ANKRD7: variants seen among roughly 807,000 people sequenced by gnomAD.
The protein encoded by ANKRD7 is ankyrin repeat domain-containing protein 7.
In ANKRD7, 30 loss-of-function variants were observed where a neutral mutation model predicts 30.8. That is an observed-to-expected ratio of 0.97 (90% CI 0.73 to 1.32). The LOEUF (loss-of-function observed/expected upper bound fraction) is 1.32. Ranked by LOEUF, ANKRD7 falls within the 40% of genes most tolerant of loss-of-function variation. The pLI, the probability that ANKRD7 is intolerant of heterozygous loss-of-function variation, is 0.00. For missense variants in ANKRD7, 264 were observed against 295.7 expected, an observed-to-expected ratio of 0.89 and a Z score of 0.79; for synonymous variants, 97 against 106.6, an observed-to-expected ratio of 0.91 and a Z score of 0.55.
intron 3 of ANKRD7, among the ~76,000 whole-genome samples, chr7:118,235,771 A>G (rs1809717964): frequency 6.6e-6 from 1 of 152,198 alleles, no homozygotes; most frequent in Non-Finnish European, 1.5e-5. Flanking sequence ...CTTACATTAA[A>G]TGCTAAGTGC....
chr7:118,231,043 G>A (rs1249804407), intron 1 of ANKRD7, among the ~76,000 whole-genome samples: 1 of 152,016 alleles, frequency 6.6e-6, no homozygotes, highest in Non-Finnish European at 1.5e-5. Context: ...AGCCACAGTG[G>A]CCTAGCAGGA....
At chr7:118,227,856 C>A in intron 1 of ANKRD7, 1 of 1,322,578 alleles carries the variant, frequency 7.6e-7, no homozygotes, top group East Asian at 4.6e-5. Context: ...TAAGTGAAAA[C>A]TATACAGTTA....
At chr7:118,241,898 T>C (rs1488997249) in intron 6 of ANKRD7, among the ~76,000 whole-genome samples, 3 of 152,172 alleles carry the variant, frequency 2.0e-5, no homozygotes, top group Non-Finnish European at 4.4e-5. Context: ...CTCTCTCTCT[T>C]TTAAATGTCT....
intron 1 of ANKRD7, among the ~76,000 whole-genome samples, chr7:118,228,965 T>C (rs1305274814): frequency 6.6e-6 from 1 of 152,174 alleles, no homozygotes; most frequent in Non-Finnish European, 1.5e-5. Context: ...TCCAATCACT[T>C]TCCATCTTAC....
At chr7:118,229,104 C>G (rs1809590534) in intron 1 of ANKRD7, among the ~76,000 whole-genome samples, 1 of 152,076 alleles carries the variant, frequency 6.6e-6, no homozygotes, top group Admixed American at 6.6e-5. Flanking sequence ...GCTACACTGG[C>G]CTTCTTACTG....
intron 2 of ANKRD7, 69 bp from the exon 3 acceptor site, chr7:118,234,632 T>TTTTAAACATAAAC: frequency 6.4e-7 from 1 of 1,557,460 alleles, no homozygotes; most frequent in South Asian, 1.2e-5. Flanking sequence ...TAAAACATAG[T>TTTTAAACATAAAC]ATCAAACATT....
At chr7:118,236,695 C>T in intron 4 of ANKRD7, 95 bp from the exon 5 acceptor site, 3 of 1,296,918 alleles carry the variant, frequency 2.3e-6, no homozygotes, top group South Asian at 1.4e-5. Context: ...TGATAGAGGC[C>T]CTACATTTGA....
At chr7:118,233,999 T>A (rs1809683182) in intron 1 of ANKRD7, among the ~76,000 whole-genome samples, 1 of 152,166 alleles carries the variant, frequency 6.6e-6, no homozygotes, top group African/African-American at 2.4e-5. Flanking sequence ...CTTTAATCAC[T>A]GAGTAAATAA....
Position 118,234,848 on chromosome 7 carries a change from G to C in ANKRD7, c.442G>C (p.Glu148Gln). Residue 148 changes from glutamate to glutamine, a missense_variant, in exon 3 of 7, where the codon GAA becomes CAA. By Grantham distance (29) the Glu-to-Gln change is conservative (BLOSUM62 2). Transcript: ENST00000265224. Reference protein sequence around the residue: ...LSLVEKLLEYEADLEAKNKDG... With the variant: ...LSLVEKLLEYQADLEAKNKDG... Reference sequence around the variant, plus strand: ...ATTAGTTGAAAAACTGCTTGAATACGAAGCTGATCTTGAAGCGAAAAATAA... The same window carrying C: ...ATTAGTTGAAAAACTGCTTGAATACCAAGCTGATCTTGAAGCGAAAAATAA... 1 of 1,602,986 alleles carries C rather than the reference G, an allele frequency of 6.2e-7. No individual in the cohort carries two copies. The highest frequency in any genetic ancestry group is 8.5e-7 in the Non-Finnish European group (1 of 1,177,294).
At chr7:118,230,024 G>A (rs62468163) in intron 1 of ANKRD7, among the ~76,000 whole-genome samples, 15,296 of 151,880 alleles carry the variant, frequency 0.1, 915 homozygotes, top group East Asian at 0.19. Flanking sequence ...TCGAAGGAAC[G>A]TACCTCAAAA....
At chr7:118,232,319 T>A (rs950729653) in intron 1 of ANKRD7, among the ~76,000 whole-genome samples, 15 of 152,210 alleles carry the variant, frequency 9.9e-5, no homozygotes, top group Non-Finnish European at 1.9e-4. Context: ...GGTTTTTTTT[T>A]AAACTAAGAT....
At position 118,224,890 on chromosome 7, in the gene ANKRD7, C is replaced by T. The variant is rs781048286; in HGVS notation, c.60C>T (p.Asn20=). Reference sequence around the variant, plus strand: ...ATGAGACCCGCAGCCAGGGCTACAACCTTCGAGAAAAGGATTTAAAGAAAC... The same window carrying T: ...ATGAGACCCGCAGCCAGGGCTACAATCTTCGAGAAAAGGATTTAAAGAAAC... ...RKNETRSQGY[N]LREKDLKKLH... Residue 20 remains asparagine (N), a synonymous_variant, in exon 1 of 7, where the codon AAC becomes AAT. Transcript: ENST00000265224. 25 of 1,614,072 alleles carry T rather than the reference C, an allele frequency of 1.5e-5. No individual in the cohort carries two copies. Among genetic ancestry groups the T allele is most frequent in the African/African-American group, 2.7e-5 (2 of 74,936 alleles).
In ANKRD7 at chr7:118,236,926, C is replaced by T. The variant is rs745889886; in HGVS notation, c.712C>T (p.His238Tyr). 61 of 1,613,060 alleles carry T rather than the reference C, an allele frequency of 3.8e-5. No individual in the cohort carries two copies. The highest frequency in any genetic ancestry group is 4.6e-5 in the Non-Finnish European group (54 of 1,179,514). ...TATGTTTATTTCCATGGTTTTACTG[C>T]GTAAGTGATACTGCATGTCTTTTAA... ...RNMFISMVLLHRYPQFTASHG... is the reference protein window; with the variant it reads ...RNMFISMVLLYRYPQFTASHG... The change falls in exon 5 of 7, where the codon CAT becomes TAT. Residue 238 changes from histidine (H) to tyrosine (Y), a missense_variant and splice_region_variant. By Grantham distance (83) the His-to-Tyr change is moderately conservative. Transcript: ENST00000265224.
chr7:118,226,121 A>T (rs1194667167), intron 1 of ANKRD7, among the ~76,000 whole-genome samples: 1 of 152,206 alleles, frequency 6.6e-6, no homozygotes, highest in African/African-American at 2.4e-5. Flanking sequence ...CCAAACTCAG[A>T]GTTGCTGTTG....
chr7:118,224,736 G>T lies in ANKRD7; in HGVS notation c.-95G>T. The T allele has an allele frequency of 6.6e-7, 1 of 1,519,428 alleles. No individual in the cohort carries two copies. Among genetic ancestry groups the T allele is most frequent in the Non-Finnish European group, 8.8e-7 (1 of 1,138,394 alleles). The allele number at this position is 1,519,428 out of a possible 1,614,324, so 94.1% of individuals were successfully genotyped here. On this transcript the variant is annotated 5_prime_UTR_variant, in exon 1 of 7. Coordinates refer to ENST00000265224, the MANE Select transcript of ANKRD7 (RefSeq NM_019644.4). ...CCACTTTCGTCAGGTACTGGAGAGGGCTGCCGGCCGGATGCCAGGGCAGAG... is the reference window on the plus strand; with the variant it reads ...CCACTTTCGTCAGGTACTGGAGAGGTCTGCCGGCCGGATGCCAGGGCAGAG...
chr7:118,232,720 TTGTGTGTGTGTG>T (rs3061652), intron 1 of ANKRD7, among the ~76,000 whole-genome samples: 1 of 145,918 alleles, frequency 6.9e-6, no homozygotes, highest in African/African-American at 2.5e-5. Flanking sequence ...AGCAGTGTGT[TTGTGTGTGTGTG>T]TGTGTGTGTG....
chr7:118,238,112 T>A (rs149719786), intron 5 of ANKRD7, among the ~76,000 whole-genome samples: 208 of 152,270 alleles, frequency 1.4e-3, no homozygotes, highest in African/African-American at 4.4e-3. Flanking sequence ...GAAGGCATTA[T>A]TGGATAGTTT....
At chr7:118,230,424 C>T (rs1002553483) in intron 1 of ANKRD7, among the ~76,000 whole-genome samples, 2 of 150,960 alleles carry the variant, frequency 1.3e-5, no homozygotes, top group African/African-American at 2.4e-5. Flanking sequence ...ATGTACACCC[C>T]GAATCTAAAA....
chr7:118,239,861 A>G lies in ANKRD7; in HGVS notation c.713-48A>G, dbSNP rs143223202. The G allele has an allele frequency of 7.3e-3, 9,390 of 1,287,390 alleles. 64 individuals carry two copies. The highest frequency in any genetic ancestry group is 0.014 in the South Asian group (1,089 of 77,102). The allele number at this position is 1,287,390 out of a possible 1,614,324, so 79.7% of individuals were successfully genotyped here. A position where few individuals can be genotyped will look rare whatever the true frequency, so the allele number is the denominator to read the frequency against. ...TTTGATTTGATACTTATATGTTAGG[A>G]ATTAAATTTCTATGCATGCTGGCAT... On this transcript the variant is annotated intron_variant, in intron 5 of 6. Coordinates refer to ENST00000265224, the MANE Select transcript of ANKRD7 (RefSeq NM_019644.4).
Sources: gnomAD v4.1 joint callset for allele counts (sites outside exome capture counted in the v4.1 genomes callset) on GRCh38, gnomAD v4.1.1 for gene constraint, MANE v1.5 for transcripts, NCBI Gene and HGNC (gene_info 2026-07-23, HGNC 2026-07-21) for gene names.